EPHA1: variants seen among roughly 807,000 people sequenced by gnomAD.
EPHA1 encodes the protein ephrin type-A receptor 1.
EPHA1 carries 92 observed loss-of-function variants against 110.1 expected under a neutral mutation model. The observed-to-expected ratio is 0.84, with a 90% CI of 0.71 to 0.99. The LOEUF (loss-of-function observed/expected upper bound fraction) is 0.99, where lower values mean the gene tolerates loss of function less well. Among genes scored for constraint, EPHA1 ranks in the 50% least tolerant of loss-of-function variants. The pLI is 0.00. For missense variants in EPHA1, 1,204 were observed against 1,285.4 expected, an observed-to-expected ratio of 0.94 and a Z score of 0.97; for synonymous variants, 500 against 516.1, an observed-to-expected ratio of 0.97 and a Z score of 0.42.
rs139637284 is a variant in EPHA1 at position 143,405,220 on chromosome 7, C to T, written c.150+2391G>A. On this transcript the variant is annotated intron_variant, in intron 2 of 17. Transcript: ENST00000275815. ...GGTGGGCAGGGTGGTGAGTGGTTAA[C>T]GTGCAGCTCATTAGCCAGATTGCCG... is the stretch of plus-strand genomic sequence containing the variant. Among the ~76,000 whole-genome samples the T allele has an allele frequency of 4.7e-3, 717 of 152,176 alleles. 7 individuals carry two copies. Among genetic ancestry groups the T allele is most frequent in the African/African-American group, 0.017 (688 of 41,508 alleles).
Position 143,391,615 on chromosome 7 carries a change from C to T in EPHA1, c.2852+5G>A, listed in dbSNP as rs769562117. ...TCCCCTGCCCAGACAGCTCCAGCTCCTTACTCAGCGGTCAGCTCCAGCACA... is the reference window on the plus strand; with the variant it reads ...TCCCCTGCCCAGACAGCTCCAGCTCTTTACTCAGCGGTCAGCTCCAGCACA... On this transcript the variant is annotated splice_donor_5th_base_variant and intron_variant, in intron 17 of 17. Transcript: ENST00000275815. 87 of 1,614,058 alleles carry T rather than the reference C, an allele frequency of 5.4e-5. No homozygotes were observed. The highest frequency in any genetic ancestry group is 7.1e-5 in the Non-Finnish European group (84 of 1,180,032).
At chr7:143,397,066 T>C (rs532027611) in intron 10 of EPHA1, among the ~76,000 whole-genome samples, 1 of 152,216 alleles carries the variant, frequency 6.6e-6, no homozygotes, top group Admixed American at 6.5e-5. Context: ...GAACGGACAC[T>C]AACAGATAAT....
rs765198197 is a variant in EPHA1 at position 143,394,766 on chromosome 7, G to C, written c.2352+42C>G. ...TGTGACTGTATGAATGGCATGTTACGGGGCAATGTGAATGTGCACTGGGTT... is the reference window on the plus strand; with the variant it reads ...TGTGACTGTATGAATGGCATGTTACCGGGCAATGTGAATGTGCACTGGGTT... On this transcript the variant is annotated intron_variant, in intron 14 of 17. Coordinates refer to ENST00000275815, the MANE Select transcript of EPHA1 (RefSeq NM_005232.5). The C allele has an allele frequency of 2.5e-6, 4 of 1,606,944 alleles. No individual in the cohort carries two copies. The African/African-American group carries it at 4.0e-5, about 16-fold the overall frequency.
Position 143,401,455 on chromosome 7 carries a change from A to C in EPHA1, c.301T>G (p.Phe101Val). 1 of 1,614,088 alleles carries C rather than the reference A, an allele frequency of 6.2e-7. No individual in the cohort carries two copies. The highest frequency in any genetic ancestry group is 8.5e-7 in the Non-Finnish European group (1 of 1,180,032). The change falls in exon 3 of 18, where the codon TTC becomes GTC. Residue 101 changes from phenylalanine (F) to valine (V), a missense_variant. Phe to Val is a conservative substitution (Grantham distance 50, BLOSUM62 -1). Coordinates refer to ENST00000275815, the MANE Select transcript of EPHA1 (RefSeq NM_005232.5). The surrounding 1 kb of genome is among the most constrained non-coding windows in gnomAD (Gnocchi z 4.1). ...AAACTCTTGCAGTCCCGCACGGTGA[A>C]CTGCAGCTCCACGTGGACGCGGGAA... ...EASRVHVELQ[F>V]TVRDCKSFPG...
chr7:143,391,668 TG>T lies in EPHA1; in HGVS notation c.2803del (p.His935ThrfsTer14), dbSNP rs1205919399. ...IRMKRYILHF[H>X]SAGLDTMECV... Reference sequence around the variant, plus strand: ...CTCCATGGTGTCCAGCCCAGCCGAGTGGAAGTGCAGGATGTAGCGTTTCATG... The same window carrying T: ...CTCCATGGTGTCCAGCCCAGCCGAGTGAAGTGCAGGATGTAGCGTTTCATG... On this transcript the variant is annotated frameshift_variant, in exon 17 of 18. Transcript: ENST00000275815. LOFTEE classifies it high-confidence loss of function. 2 of 1,613,738 alleles carry T rather than the reference TG, an allele frequency of 1.2e-6. No homozygotes were observed. Among genetic ancestry groups the T allele is most frequent in the African/African-American group, 2.7e-5 (2 of 74,818 alleles).
At position 143,395,268 on chromosome 7, in the gene EPHA1, C is replaced by T; in HGVS notation, c.2083+51G>A. The T allele has an allele frequency of 1.9e-6, 3 of 1,613,624 alleles. No homozygotes were observed. Among genetic ancestry groups the T allele is most frequent in the Non-Finnish European group, 2.5e-6 (3 of 1,179,866 alleles). The stretch of plus-strand genomic sequence containing the variant: ...CTCCCTCCACTTCCAGTGGTTTCAC[C>T]CCTCTTTCCTGCATTTCCCGCCCCC... On this transcript the variant is annotated intron_variant, in intron 12 of 17. Coordinates refer to ENST00000275815, the MANE Select transcript of EPHA1 (RefSeq NM_005232.5). This position sits in a 1 kb window ranked among gnomAD's most constrained non-coding sequence, Gnocchi z 4.7.
Position 143,391,514 on chromosome 7 carries a change from G to A in EPHA1, c.2874C>T (p.Ile958=). 6.2e-7 allele frequency: 1 copy of A among 1,614,192 alleles called. No homozygotes were observed. Among genetic ancestry groups the A allele is most frequent in the East Asian group, 2.2e-5 (1 of 44,868 alleles). The part of the protein sequence containing the change: ...LTAEDLTQMG[I]TLPGHQKRIL... ...TGCGCTTCTGGTGCCCGGGCAGTGT[G>A]ATTCCCATCTGCGTCAGGTCCCTGT... The change falls in exon 18 of 18, where the codon ATC becomes ATT. Residue 958 remains isoleucine (I), a synonymous_variant. Coordinates refer to ENST00000275815, the MANE Select transcript of EPHA1 (RefSeq NM_005232.5).
intron 11 of EPHA1, 27 bp downstream of exon 11, chr7:143,396,358 C>T: frequency 6.2e-7 from 1 of 1,602,546 alleles, no homozygotes; most frequent in Non-Finnish European, 8.5e-7. Context: ...TGGCGGGGGG[C>T]CTGCTGCGGT....
Position 143,394,801 on chromosome 7 carries a change from C to T in EPHA1, c.2352+7G>A. ...GAATGTGCACTGGGTTTGTACCGGC[C>T]TCTAACCTGGGTTTCGTATGTGCCA... is the stretch of plus-strand genomic sequence containing the variant. On this transcript the variant is annotated splice_region_variant and intron_variant, in intron 14 of 17. Coordinates refer to ENST00000275815, the MANE Select transcript of EPHA1 (RefSeq NM_005232.5). 13 of 1,613,986 alleles carry T rather than the reference C, an allele frequency of 8.1e-6. No individual in the cohort carries two copies. The highest frequency in any genetic ancestry group is 1.1e-5 in the Non-Finnish European group (13 of 1,180,026).
chr7:143,395,314 C>T lies in EPHA1; in HGVS notation c.2083+5G>A, dbSNP rs765930702. ...CCCCCAGCTGAGGGAGACCACTCAT[C>T]GTACGCTTTGTGACGACGCCTTCCA... On this transcript the variant is annotated splice_donor_5th_base_variant and intron_variant, in intron 12 of 17. Coordinates refer to ENST00000275815, the MANE Select transcript of EPHA1 (RefSeq NM_005232.5). This position sits in a 1 kb window ranked among gnomAD's most constrained non-coding sequence, Gnocchi z 4.7. The T allele has an allele frequency of 3.5e-5, 57 of 1,614,074 alleles. No individual in the cohort carries two copies. The Admixed American group carries it at 4.5e-4, about 13-fold the overall frequency.
intron 10 of EPHA1, chr7:143,396,757 C>T (rs1805263386): frequency 2.3e-6 from 1 of 442,502 alleles, no homozygotes; most frequent in East Asian, 4.2e-5. Context: ...TCCACACCCG[C>T]AGAGCATATT....
intron 10 of EPHA1, chr7:143,396,713 CCTCA>C (rs1158196986): frequency 1.1e-4 from 65 of 584,278 alleles, no homozygotes; most frequent in Non-Finnish European, 1.6e-4. Context: ...GCTCCGCTGT[CCTCA>C]CTCCACAAGG....
chr7:143,406,384 G>A (rs1415425155), intron 2 of EPHA1, among the ~76,000 whole-genome samples: 1 of 152,218 alleles, frequency 6.6e-6, no homozygotes, highest in Non-Finnish European at 1.5e-5. Flanking sequence ...CTGCAGGGTG[G>A]CTCGCCTCCT....
At position 143,395,309 on chromosome 7, in the gene EPHA1, C is replaced by CTCA. The variant is rs1261610904; in HGVS notation, c.2083+7_2083+9dup. On this transcript the variant is annotated intron_variant, in intron 12 of 17. Transcript: ENST00000275815. This position sits in a 1 kb window ranked among gnomAD's most constrained non-coding sequence, Gnocchi z 4.7. ...TCCCGCCCCCAGCTGAGGGAGACCA[C>CTCA]TCATCGTACGCTTTGTGACGACGCC... is the stretch of plus-strand genomic sequence containing the variant. 6.2e-7 allele frequency: 1 copy of CTCA among 1,614,220 alleles called. No individual in the cohort carries two copies. Among genetic ancestry groups the CTCA allele is most frequent in the South Asian group, 1.1e-5 (1 of 91,086 alleles).
In EPHA1 at chr7:143,399,354, G is replaced by A. The variant is rs779130970; in HGVS notation, c.895C>T (p.Gln299Ter). ...MDTPHCLTCPQQSTAESEGAT... is the reference protein window; with the variant it reads ...MDTPHCLTCP ...CCCTCAGACTCAGCAGTGCTCTGCT[G>A]GGGGCACGTGAGACAATGGGGTGTG... Residue 299 changes from glutamine to a stop codon, truncating the protein, a stop_gained, in exon 5 of 18, where the codon CAG becomes TAG. Transcript: ENST00000275815. LOFTEE classifies it high-confidence loss of function. 1 of 1,611,618 alleles carries A rather than the reference G, an allele frequency of 6.2e-7. No homozygotes were observed. The highest frequency in any genetic ancestry group is 1.7e-5 in the Admixed American group (1 of 59,736).
At position 143,399,991 on chromosome 7, in the gene EPHA1, C is replaced by T; in HGVS notation, c.495G>A (p.Lys165=). ...CCAGAGAGCAGCGCTCCACATTCAG[C>T]TTCACGGAGCCAGACACAAGGTCTC... The part of the protein sequence containing the change: ...TIRDLVSGSV[K]LNVERCSLGR... The change falls in exon 4 of 18, where the codon AAG becomes AAA. Residue 165 remains lysine (K), a synonymous_variant. Coordinates refer to ENST00000275815, the MANE Select transcript of EPHA1 (RefSeq NM_005232.5). 1 of 1,613,932 alleles carries T rather than the reference C, an allele frequency of 6.2e-7. No homozygotes were observed. Among genetic ancestry groups the T allele is most frequent in the Non-Finnish European group, 8.5e-7 (1 of 1,179,948 alleles).
In EPHA1 at chr7:143,398,429, A is replaced by G. The variant is rs1343527105; in HGVS notation, c.1356T>C (p.Ser452=). The G allele has an allele frequency of 6.2e-7, 1 of 1,614,128 alleles. No individual in the cohort carries two copies. Among genetic ancestry groups the G allele is most frequent in the Non-Finnish European group, 8.5e-7 (1 of 1,180,002 alleles). ...TCGGTTCTTTCTTCACCAGTCTCAG[A>G]GACAGGCCTGACAGTGACTCTGGGG... The part of the protein sequence containing the change: ...MGHAESLSGL[S]LRLVKKEPRQ... The change falls in exon 7 of 18, where the codon TCT becomes TCC. Residue 452 remains serine (S), a synonymous_variant. Transcript: ENST00000275815.
rs1403619990 is a variant in EPHA1 at position 143,393,110 on chromosome 7, C to T, written c.2696+561G>A. Among the ~76,000 whole-genome samples the T allele has an allele frequency of 6.6e-6, 1 of 152,152 alleles. No homozygotes were observed. ...TCTGCAACCTACCAGCCCTCAGCTC[C>T]CCACAGACTAGCCATGTGATCCAGA... On this transcript the variant is annotated intron_variant, in intron 16 of 17. Coordinates refer to ENST00000275815, the MANE Select transcript of EPHA1 (RefSeq NM_005232.5). This position sits in a 1 kb window ranked among gnomAD's most constrained non-coding sequence, Gnocchi z 5.6.
At chr7:143,405,430 T>TGC (rs1554449778) in intron 2 of EPHA1, among the ~76,000 whole-genome samples, 2 of 92,074 alleles carry the variant, frequency 2.2e-5, no homozygotes, top group Non-Finnish European at 4.8e-5. Context: ...TGCGTGTGCA[T>TGC]GTGTGCGTGT....
Sources: allele counts gnomAD v4.1 joint callset (sites outside exome capture counted in the v4.1 genomes callset), GRCh38; gene constraint gnomAD v4.1.1; non-coding constraint Gnocchi (gnomAD v3.1); transcripts MANE v1.5; gene names NCBI Gene and HGNC (gene_info 2026-07-23, HGNC 2026-07-21).